The following TJP1 variants were observed in gnomAD, a reference collection of about 807,000 sequenced individuals.
TJP1 encodes tight junction protein ZO-1.
A neutral mutation model predicts 194.2 loss-of-function variants in TJP1; 43 were observed. The observed-to-expected ratio is 0.22, with a 90% confidence interval of 0.17 to 0.29. The LOEUF (loss-of-function observed/expected upper bound fraction) is 0.29. Among genes scored for constraint, TJP1 ranks in the 10% least tolerant of loss-of-function variants. The pLI, the probability that TJP1 is intolerant of heterozygous loss-of-function variation, is 1.00. For synonymous variants in TJP1, 801 were observed against 779.0 expected (o/e 1.03, Z -0.47); for missense variants, 1,971 against 2,185.7 (o/e 0.90, Z 1.96).
At chr15:29,752,136 T>C (rs1202822472) in intron 8 of TJP1, among the ~76,000 whole-genome samples, 3 of 150,656 alleles carry the variant, frequency 2.0e-5, no homozygotes, top group African/African-American at 7.3e-5. Context: ...GGAGTCTCGC[T>C]CTGTCACCCA....
At chr15:29,847,991 T>C (rs994519615) in intron 2 of TJP1, among the ~76,000 whole-genome samples, 3 of 152,200 alleles carry the variant, frequency 2.0e-5, no homozygotes, top group Non-Finnish European at 4.4e-5. Context: ...AGTGTTGTTT[T>C]ATTTCCACGT....
At chr15:29,761,848 A>C in intron 6 of TJP1, 79 bp from the exon 7 acceptor site, 1 of 1,345,238 alleles carries the variant, frequency 7.4e-7, no homozygotes, top group Non-Finnish European at 9.8e-7. Context: ...AAACAGAAAT[A>C]TCCAAACCAC....
chr15:29,766,246 C>T lies in TJP1; in HGVS notation c.589+20G>A, dbSNP rs780109499. On this transcript the variant is annotated intron_variant, in intron 5 of 27. Transcript: ENST00000614355. ...TTAAATTTTCATGTGAAAAAAACAG[C>T]AAGAGTTGGCAGAGAATACCTTCAT... 5 of 1,594,372 alleles carry T rather than the reference C, an allele frequency of 3.1e-6. No individual in the cohort carries two copies. The highest frequency in any genetic ancestry group is 1.4e-5 in the African/African-American group (1 of 73,930).
intron 1 of TJP1, among the ~76,000 whole-genome samples, chr15:29,819,265 C>T (rs1358521055): frequency 6.6e-6 from 1 of 152,162 alleles, no homozygotes; most frequent in Non-Finnish European, 1.5e-5. Context: ...TAGCACCATA[C>T]ATTGAACAAG....
intron 4 of TJP1, among the ~76,000 whole-genome samples, 186 bp from the exon 5 acceptor site, chr15:29,766,728 C>T (rs1193910110): frequency 6.6e-6 from 1 of 152,120 alleles, no homozygotes; most frequent in Non-Finnish European, 1.5e-5. Context: ...TTCTGTTCTC[C>T]TGATAAACAG....
chr15:29,715,299 C>T (rs1004739104), intron 23 of TJP1, among the ~76,000 whole-genome samples: 11 of 152,094 alleles, frequency 7.2e-5, no homozygotes, highest in Admixed American at 3.3e-4. Flanking sequence ...GTACAAGACA[C>T]GTTTTGCATT....
rs903884121 is a variant in TJP1, at chr15:29,822,194, G to A, written c.-166C>T. ...GCCCAGGGGGAGGGAATTCAACTCGGACAAAAGTCCGGGAAGCGCCCGCCC... is the reference window on the plus strand; with the variant it reads ...GCCCAGGGGGAGGGAATTCAACTCGAACAAAAGTCCGGGAAGCGCCCGCCC... On this transcript the variant is annotated 5_prime_UTR_variant, in exon 1 of 28. Transcript: ENST00000614355. 1.0e-5 allele frequency: 12 copies of A among 1,179,418 alleles called. No individual in the cohort carries two copies. The highest frequency in any genetic ancestry group is 4.8e-5 in the African/African-American group (3 of 62,346). The allele number at this position is 1,179,418 out of a possible 1,614,324, so 73.1% of individuals were successfully genotyped here. A position where few individuals can be genotyped will look rare whatever the true frequency, so the allele number is the denominator to read the frequency against.
intron 1 of TJP1, among the ~76,000 whole-genome samples, chr15:29,804,051 G>A (rs2048963815): frequency 6.6e-6 from 1 of 150,650 alleles, no homozygotes; most frequent in Admixed American, 6.6e-5. Flanking sequence ...ACAAAAAACA[G>A]AAAAATATAT....
chr15:29,873,555 A>G (rs1285983058), intron 2 of TJP1, among the ~76,000 whole-genome samples: 1 of 152,248 alleles, frequency 6.6e-6, no homozygotes. Context: ...TTAAGAAAAT[A>G]TGGAGAGCTA....
Position 29,741,450 on chromosome 15 carries a change from A to C in TJP1, c.1151-14T>G. The C allele has an allele frequency of 6.3e-7, 1 of 1,576,602 alleles. No individual in the cohort carries two copies. The highest frequency in any genetic ancestry group is 1.1e-5 in the South Asian group (1 of 88,400). The stretch of plus-strand genomic sequence containing the variant: ...CAGGCTTTGGTTCTAAGAAAAAAAA[A>C]ATTGAGTAGGACTCACTTTAGAAAA... On this transcript the variant is annotated splice_polypyrimidine_tract_variant and intron_variant, in intron 9 of 27. Transcript: ENST00000614355.
intron 2 of TJP1, among the ~76,000 whole-genome samples, chr15:29,924,036 C>T (rs2054450042): frequency 6.6e-6 from 1 of 152,182 alleles, no homozygotes; most frequent in South Asian, 2.1e-4. Flanking sequence ...ATAATGACAG[C>T]TAAAATTTCT....
chr15:29,835,618 C>G (rs1293273289), intron 2 of TJP1, among the ~76,000 whole-genome samples: 2 of 150,510 alleles, frequency 1.3e-5, no homozygotes, highest in African/African-American at 4.9e-5. Flanking sequence ...CCACTGCACT[C>G]CAGCCTAGGC....
chr15:29,721,709 T>G (rs1271114538), intron 18 of TJP1, among the ~76,000 whole-genome samples: 2 of 152,230 alleles, frequency 1.3e-5, no homozygotes, highest in South Asian at 2.1e-4. Flanking sequence ...AGGGAAAGTT[T>G]GGAATTTCCT....
chr15:29,726,952 C>T lies in TJP1; in HGVS notation c.2140G>A (p.Asp714Asn). The stretch of plus-strand genomic sequence containing the variant: ...TACCACTGGGCATAGTTAAGACGAT[C>T]AACTGCATTTGGTGTTACATCTAAT... The part of the protein sequence containing the change: ...ALLDVTPNAV[D>N]RLNYAQWYPI... The change falls in exon 17 of 28, where the codon GAT (aspartate) becomes AAT (asparagine). Residue 714 changes from aspartate to asparagine, a missense_variant. This residue lies in a region of TJP1 where 402 missense variants were observed against 484.2 expected (regional missense o/e 0.83). Transcript: ENST00000614355. 5 of 1,614,166 alleles carry T rather than the reference C, an allele frequency of 3.1e-6. No homozygotes were observed. The highest frequency in any genetic ancestry group is 3.4e-6 in the Non-Finnish European group (4 of 1,180,022).
intron 2 of TJP1, among the ~76,000 whole-genome samples, chr15:29,855,633 A>T (rs1448953241): frequency 6.6e-6 from 1 of 152,196 alleles, no homozygotes. Context: ...AGGCAGGTGG[A>T]TCACTTGAGG....
intron 2 of TJP1, among the ~76,000 whole-genome samples, chr15:29,936,796 C>T (rs2054897303): frequency 6.6e-6 from 1 of 152,114 alleles, no homozygotes; most frequent in African/African-American, 2.4e-5. Context: ...GCTTACAGAC[C>T]GCTCTACTGG....
intron 1 of TJP1, among the ~76,000 whole-genome samples, chr15:29,819,479 C>G (rs2050175505): frequency 6.6e-6 from 1 of 152,124 alleles, no homozygotes; most frequent in Non-Finnish European, 1.5e-5. Flanking sequence ...TGCAATAATA[C>G]TGATGATCAT....
chr15:29,770,245 A>G (rs1239085448), intron 4 of TJP1, among the ~76,000 whole-genome samples: 3 of 152,104 alleles, frequency 2.0e-5, no homozygotes, highest in Non-Finnish European at 4.4e-5. Context: ...CCCGGAGTTC[A>G]ATACCAGCCT....
chr15:29,798,969 A>T (rs142316704), intron 2 of TJP1, among the ~76,000 whole-genome samples: 1 of 152,314 alleles, frequency 6.6e-6, no homozygotes, highest in East Asian at 1.9e-4. Context: ...TACAAAAAGA[A>T]ACCATATCAT....
Sources: gnomAD v4.1 joint callset for allele counts (sites outside exome capture counted in the v4.1 genomes callset) on GRCh38, gnomAD v4.1.1 for gene constraint, gnomAD v4.1.1 regional missense constraint, MANE v1.5 for transcripts, NCBI Gene and HGNC (gene_info 2026-07-23, HGNC 2026-07-21) for gene names.